The following CNTNAP2 variants were observed in gnomAD, a reference collection of about 807,000 sequenced individuals.
CNTNAP2 encodes the protein contactin associated protein 2.
Under a neutral mutation model 155.2 loss-of-function variants are expected in CNTNAP2, and 98 were observed. The ratio of observed to expected loss-of-function variants is 0.63; its 90% CI spans 0.54 to 0.75. The LOEUF (loss-of-function observed/expected upper bound fraction) is 0.75. CNTNAP2 is among the 30% of genes least tolerant of loss of function. CNTNAP2 has a pLI of 0.00. For missense variants in CNTNAP2, 1,727 were observed against 1,688.1 expected, an observed-to-expected ratio of 1.02 and a Z score of -0.40; for synonymous variants, 651 against 631.2, an observed-to-expected ratio of 1.03 and a Z score of -0.47.
chr7:147,492,341 T>G (rs1290616651), intron 11 of CNTNAP2, among the ~76,000 whole-genome samples: 1 of 152,194 alleles, frequency 6.6e-6, no homozygotes, highest in Admixed American at 6.5e-5. Flanking sequence ...GAGGCCCAGT[T>G]ACTAACGGGT....
In CNTNAP2 at chr7:147,233,831, T is replaced by C. The variant is rs566562865; in HGVS notation, c.1349-66310T>C. On this transcript the variant is annotated intron_variant, in intron 8 of 23. Transcript: ENST00000361727. Reference sequence around the variant, plus strand: ...TATAATTTAAAATAATTTTCATCTTTTATCAAATATTTTGATTTACTATCA... The same window carrying C: ...TATAATTTAAAATAATTTTCATCTTCTATCAAATATTTTGATTTACTATCA... Among the ~76,000 whole-genome samples, 12 of 152,204 alleles carry C rather than the reference T, an allele frequency of 7.9e-5. No homozygotes were observed. In the South Asian group the frequency reaches 2.5e-3, roughly 32 times the overall value.
intron 3 of CNTNAP2, among the ~76,000 whole-genome samples, chr7:146,929,821 C>G (rs1310109184): frequency 6.6e-6 from 1 of 151,924 alleles, no homozygotes; most frequent in Non-Finnish European, 1.5e-5. Flanking sequence ...ATGCGATCAA[C>G]CGGAAGAAAG....
At chr7:147,621,632 A>G (rs1794858225) in intron 12 of CNTNAP2, among the ~76,000 whole-genome samples, 1 of 152,050 alleles carries the variant, frequency 6.6e-6, no homozygotes, top group Non-Finnish European at 1.5e-5. Flanking sequence ...ACCAAAATCA[A>G]ACAATGGATA....
At chr7:147,761,939 C>T (rs1797308304) in intron 13 of CNTNAP2, among the ~76,000 whole-genome samples, 1 of 151,972 alleles carries the variant, frequency 6.6e-6, no homozygotes, top group Non-Finnish European at 1.5e-5. Context: ...AAAATACATG[C>T]ATGTTAATGC....
intron 13 of CNTNAP2, among the ~76,000 whole-genome samples, chr7:147,667,574 C>G (rs976186557): frequency 5.9e-5 from 9 of 152,102 alleles, no homozygotes; most frequent in African/African-American, 2.2e-4. Flanking sequence ...ACTATGCCAG[C>G]AAAATGAGAA....
chr7:147,842,377 G>C (rs572158942), intron 13 of CNTNAP2, among the ~76,000 whole-genome samples: 311 of 151,976 alleles, frequency 2.0e-3, no homozygotes, highest in African/African-American at 7.4e-3. Flanking sequence ...GTGAATCACA[G>C]TGTTATATTT....
chr7:147,564,741 T>C (rs556269351), intron 12 of CNTNAP2, among the ~76,000 whole-genome samples: 1 of 152,368 alleles, frequency 6.6e-6, no homozygotes, highest in African/African-American at 2.4e-5. Context: ...ATGTCTTATC[T>C]TCATCAATAT....
intron 3 of CNTNAP2, among the ~76,000 whole-genome samples, chr7:146,948,118 A>C (rs933425887): frequency 6.6e-6 from 1 of 152,186 alleles, no homozygotes; most frequent in Non-Finnish European, 1.5e-5. Context: ...GGATTATCAA[A>C]AAAAGCCAAG....
intron 10 of CNTNAP2, among the ~76,000 whole-genome samples, chr7:147,407,318 A>C (rs1210432458): frequency 6.6e-6 from 1 of 151,810 alleles, no homozygotes; most frequent in Non-Finnish European, 1.5e-5. Context: ...AATACAAAAA[A>C]TTAGCCGGGC....
chr7:148,337,365 C>A (rs1035164821), intron 21 of CNTNAP2, among the ~76,000 whole-genome samples: 1 of 152,134 alleles, frequency 6.6e-6, no homozygotes, highest in Non-Finnish European at 1.5e-5. Context: ...GAGGACTTTC[C>A]TTCTCTCCTA....
At chr7:147,571,911 C>T (rs932345753) in intron 12 of CNTNAP2, among the ~76,000 whole-genome samples, 13 of 152,176 alleles carry the variant, frequency 8.5e-5, no homozygotes, top group African/African-American at 3.1e-4. Context: ...CAGAGAATAG[C>T]TGTCCTTTAT....
chr7:147,744,043 A>G (rs569478358), intron 13 of CNTNAP2, among the ~76,000 whole-genome samples: 1 of 152,244 alleles, frequency 6.6e-6, no homozygotes, highest in Non-Finnish European at 1.5e-5. Flanking sequence ...ATTATTTTGA[A>G]TATTAAATGA....
chr7:148,178,334 C>G (rs1794981936), intron 18 of CNTNAP2, among the ~76,000 whole-genome samples: 2 of 152,152 alleles, frequency 1.3e-5, no homozygotes, highest in African/African-American at 4.8e-5. Context: ...GTTTTCTTCT[C>G]AAACATTCAT....
intron 1 of CNTNAP2, among the ~76,000 whole-genome samples, chr7:146,313,169 C>A (rs374787162): frequency 2.6e-5 from 4 of 152,144 alleles, no homozygotes; most frequent in Non-Finnish European, 4.4e-5. Context: ...TATACTTTCC[C>A]ATCAACAATG....
intron 10 of CNTNAP2, among the ~76,000 whole-genome samples, chr7:147,477,149 A>AT (rs1221274232): frequency 6.6e-6 from 1 of 152,078 alleles, no homozygotes; most frequent in African/African-American, 2.4e-5. Context: ...AAGGCTAAAT[A>AT]TTTTTTTGGG....
intron 16 of CNTNAP2, among the ~76,000 whole-genome samples, chr7:148,142,039 G>C (rs926343637): frequency 5.9e-5 from 9 of 151,400 alleles, no homozygotes; most frequent in Non-Finnish European, 4.4e-5. Context: ...GGATAGATAA[G>C]GTCAAAAGAA....
chr7:146,733,072 TAGAA>T (rs1327967697), intron 1 of CNTNAP2, among the ~76,000 whole-genome samples: 9 of 152,072 alleles, frequency 5.9e-5, no homozygotes, highest in African/African-American at 2.2e-4. Flanking sequence ...AGACCACTAA[TAGAA>T]AAGATATTAA....
chr7:146,286,429 A>C (rs1358102661), intron 1 of CNTNAP2, among the ~76,000 whole-genome samples: 1 of 152,164 alleles, frequency 6.6e-6, no homozygotes, highest in Non-Finnish European at 1.5e-5. Flanking sequence ...ACTTAGTCAC[A>C]CTAAGTCTTT....
At chr7:147,574,906 C>T (rs183293556) in intron 12 of CNTNAP2, among the ~76,000 whole-genome samples, 2 of 152,080 alleles carry the variant, frequency 1.3e-5, no homozygotes, top group Non-Finnish European at 2.9e-5. Flanking sequence ...GTCAAACAGC[C>T]TTAATGCAGT....
Sources: gnomAD v4.1 joint callset for allele counts (sites outside exome capture counted in the v4.1 genomes callset) on GRCh38, gnomAD v4.1.1 for gene constraint, MANE v1.5 for transcripts, NCBI Gene and HGNC (gene_info 2026-07-23, HGNC 2026-07-21) for gene names.